SLC17A1: variants seen among roughly 807,000 people sequenced by gnomAD.
The protein encoded by SLC17A1 is sodium-dependent phosphate transport protein 1.
SLC17A1 carries 51 observed loss-of-function variants against 53.5 expected under a neutral mutation model. That is an observed-to-expected ratio of 0.95 (90% CI 0.76 to 1.20). SLC17A1 has a LOEUF of 1.20. SLC17A1 is among the 50% of genes most tolerant of loss of function. The pLI, the probability that SLC17A1 is intolerant of heterozygous loss-of-function variation, is 0.00. For missense variants in SLC17A1, 538 were observed against 568.2 expected, an observed-to-expected ratio of 0.95 and a Z score of 0.54; for synonymous variants, 179 against 198.8, an observed-to-expected ratio of 0.90 and a Z score of 0.84.
intron 10 of SLC17A1, among the ~76,000 whole-genome samples, chr6:25,806,389 A>G (rs1388285832): frequency 6.6e-6 from 1 of 152,110 alleles, no homozygotes; most frequent in Non-Finnish European, 1.5e-5. Flanking sequence ...CAAAATAATA[A>G]AAGTCACATA....
chr6:25,828,985 G>A (rs755741194), intron 2 of SLC17A1, among the ~76,000 whole-genome samples: 14 of 152,216 alleles, frequency 9.2e-5, no homozygotes, highest in African/African-American at 2.2e-4. Context: ...CTGAGCTTCC[G>A]TTGTTAAAAG....
intron 12 of SLC17A1, among the ~76,000 whole-genome samples, chr6:25,784,551 A>G (rs1763338640): frequency 6.6e-6 from 1 of 152,192 alleles, no homozygotes; most frequent in African/African-American, 2.4e-5. Flanking sequence ...GAACTCACTC[A>G]TTATCCAAAG....
intron 3 of SLC17A1, among the ~76,000 whole-genome samples, chr6:25,820,651 C>A (rs1214488127): frequency 6.6e-6 from 1 of 151,960 alleles, no homozygotes; most frequent in Non-Finnish European, 1.5e-5. Context: ...GAGGACGAGG[C>A]GGGCGGATCA....
At chr6:25,726,821 G>A in the SLC17A1 span, 2 of 1,460,036 alleles carry the variant, frequency 1.4e-6, no homozygotes, top group South Asian at 2.7e-5. Flanking sequence ...ATTTGGAGCT[G>A]TTTAATACTG....
At chr6:25,736,626 AC>A in the SLC17A1 span, among the ~76,000 whole-genome samples, 3 of 152,070 alleles carry the variant, frequency 2.0e-5, no homozygotes, top group Non-Finnish European at 2.9e-5. Context: ...GGGGTCATTA[AC>A]CCATTCCTTC....
the SLC17A1 span, chr6:25,731,875 T>C: frequency 1.9e-6 from 3 of 1,602,852 alleles, no homozygotes; most frequent in African/African-American, 4.0e-5. Flanking sequence ...CGCACGGCCG[T>C]CTGGATCTCC....
At chr6:25,768,879 A>G in the SLC17A1 span, 1 of 1,041,334 alleles carries the variant, frequency 9.6e-7, no homozygotes, top group African/African-American at 1.6e-5. Flanking sequence ...TGCTCTCCCT[A>G]TATTTCTGCA....
the SLC17A1 span, among the ~76,000 whole-genome samples, chr6:25,752,817 T>C: frequency 1.3e-5 from 2 of 151,962 alleles, no homozygotes; most frequent in Non-Finnish European, 2.9e-5. Context: ...CTGGGCGTGG[T>C]GGCAGGCGCC....
the SLC17A1 span, among the ~76,000 whole-genome samples, chr6:25,730,013 T>A: frequency 1.3e-5 from 2 of 152,196 alleles, no homozygotes; most frequent in African/African-American, 2.4e-5. Context: ...AAATATTTTT[T>A]AAAATGTGTG....
chr6:25,788,128 C>A (rs1763422921), intron 12 of SLC17A1, among the ~76,000 whole-genome samples: 1 of 152,110 alleles, frequency 6.6e-6, no homozygotes, highest in East Asian at 1.9e-4. Flanking sequence ...TAAATGCTAG[C>A]CAGACACAGC....
intron 12 of SLC17A1, among the ~76,000 whole-genome samples, chr6:25,795,375 T>C (rs939160379): frequency 1.3e-5 from 2 of 152,100 alleles, no homozygotes; most frequent in African/African-American, 2.4e-5. Flanking sequence ...ATATAGCATG[T>C]AAATAGAAAA....
the SLC17A1 span, among the ~76,000 whole-genome samples, chr6:25,757,876 T>C: frequency 6.9e-4 from 105 of 152,342 alleles, 2 homozygotes; most frequent in Admixed American, 6.6e-3. Context: ...TAGGGTTCCT[T>C]TCTCAGGTGT....
intron 10 of SLC17A1, among the ~76,000 whole-genome samples, chr6:25,810,005 A>C (rs1764098662): frequency 6.6e-6 from 1 of 152,074 alleles, no homozygotes; most frequent in Admixed American, 6.6e-5. Context: ...CCAAGAACAC[A>C]ACATGAGGGA....
chr6:25,755,048 T>TACACACACACAC, the SLC17A1 span, among the ~76,000 whole-genome samples: 15 of 145,054 alleles, frequency 1.0e-4, no homozygotes, highest in African/African-American at 3.6e-4. Context: ...CACACACACA[T>TACACACACACAC]ACACACACAC....
intron 3 of SLC17A1, among the ~76,000 whole-genome samples, chr6:25,820,345 C>T (rs1269813117): frequency 6.6e-6 from 1 of 152,216 alleles, no homozygotes; most frequent in Non-Finnish European, 1.5e-5. Flanking sequence ...AATTTAAGCT[C>T]ATTCGCAAAA....
At position 25,819,939 on chromosome 6, in the gene SLC17A1, C is replaced by T. The variant is rs6933725; in HGVS notation, c.208-24G>A. 9,836 of 1,470,730 alleles carry T rather than the reference C, an allele frequency of 6.7e-3. 331 individuals are homozygous for T. The African/African-American group carries it at 0.092, about 14-fold the overall frequency. The allele number at this position is 1,470,730 out of a possible 1,614,324, so 91.1% of individuals were successfully genotyped here. On this transcript the variant is annotated intron_variant, in intron 3 of 12. Coordinates refer to ENST00000244527, the MANE Select transcript of SLC17A1 (RefSeq NM_005074.5). ...TTCTAAAAGACAAGGGGGGACATGT[C>T]GAATCACTCTGCATATCAGAAATTT...
intron 3 of SLC17A1, among the ~76,000 whole-genome samples, chr6:25,823,839 GTCTC>G (rs1199340686): frequency 4.0e-5 from 6 of 151,874 alleles, no homozygotes; most frequent in East Asian, 3.9e-4. Flanking sequence ...ATGTGTGTCA[GTCTC>G]TCTATTATAT....
chr6:25,732,104 A>G, the SLC17A1 span: 10 of 779,998 alleles, frequency 1.3e-5, no homozygotes, highest in Non-Finnish European at 1.7e-5. Flanking sequence ...AGTTTTAGCA[A>G]CTGCCTTCTT....
At chr6:25,816,565 G>A (rs570617876) in intron 6 of SLC17A1, among the ~76,000 whole-genome samples, 15 of 152,356 alleles carry the variant, frequency 9.8e-5, no homozygotes, top group South Asian at 4.1e-4. Context: ...TAGGGCAAGC[G>A]CCCTCTGGCC....
Sources: allele counts gnomAD v4.1 joint callset (sites outside exome capture counted in the v4.1 genomes callset), GRCh38; gene constraint gnomAD v4.1.1; transcripts MANE v1.5; gene names NCBI Gene and HGNC (gene_info 2026-07-23, HGNC 2026-07-21).